WNK4: variants seen among roughly 807,000 people sequenced by gnomAD.
WNK4 encodes WNK lysine deficient protein kinase 4.
A neutral mutation model predicts 116.2 loss-of-function variants in WNK4; 94 were observed. The ratio of observed to expected loss-of-function variants is 0.81; its 90% CI spans 0.68 to 0.96. The LOEUF (loss-of-function observed/expected upper bound fraction) is 0.96, where lower values mean the gene tolerates loss of function less well. WNK4 is among the 40% of genes least tolerant of loss of function. The pLI, the probability that WNK4 is intolerant of heterozygous loss-of-function variation, is 0.00. For synonymous variants in WNK4, 655 were observed against 672.7 expected (o/e 0.97, Z 0.41); for missense variants, 1,542 against 1,650.6 (o/e 0.93, Z 1.14).
chr17:42,781,870 C>T (rs927598190), intron 1 of WNK4, among the ~76,000 whole-genome samples: 4 of 152,178 alleles, frequency 2.6e-5, no homozygotes, highest in African/African-American at 7.2e-5. Context: ...TGGACTTCTC[C>T]ACAGCTGCGA....
chr17:42,784,351 G>C lies in WNK4; in HGVS notation c.1013-71G>C. 6.3e-7 allele frequency: 1 copy of C among 1,586,842 alleles called. No individual in the cohort carries two copies. Among genetic ancestry groups the C allele is most frequent in the Non-Finnish European group, 8.6e-7 (1 of 1,166,286 alleles). On this transcript the variant is annotated intron_variant, in intron 3 of 18. Transcript: ENST00000246914. This position sits in a 1 kb window ranked among gnomAD's most constrained non-coding sequence, Gnocchi z 4.4. ...CACTTGCACTCGCAGGGTTGCCTGG[G>C]GCTGCCTAGCCCAGTGGGAAGGACG... is the stretch of plus-strand genomic sequence containing the variant.
Position 42,784,218 on chromosome 17 carries a change from G to T in WNK4, c.1012+61G>T, listed in dbSNP as rs1370139911. On this transcript the variant is annotated intron_variant, in intron 3 of 18. Transcript: ENST00000246914. The surrounding 1 kb of genome is among the most constrained non-coding windows in gnomAD (Gnocchi z 4.4). ...CTCCCCCACCTCAGAAGAGAACCTG[G>T]GGACTCCCTCCCCTCAGCAAGGGCC... 3 of 1,596,114 alleles carry T rather than the reference G, an allele frequency of 1.9e-6. No homozygotes were observed. Among genetic ancestry groups the T allele is most frequent in the Non-Finnish European group, 2.6e-6 (3 of 1,173,320 alleles).
intron 2 of WNK4, 48 bp from the exon 3 acceptor site, chr17:42,783,889 G>A (rs1597895087): frequency 8.3e-6 from 13 of 1,558,278 alleles, no homozygotes; most frequent in South Asian, 2.3e-5. Context: ...GCTCCTTCCC[G>A]GAGGACGTGT....
chr17:42,794,449 C>T (rs2054639520), intron 12 of WNK4, 165 bp from the exon 13 acceptor site: 1 of 724,170 alleles, frequency 1.4e-6, no homozygotes, highest in East Asian at 2.7e-5. Context: ...AGACATCATG[C>T]CCTTTTACCT....
In WNK4 at chr17:42,784,627, C is replaced by G; in HGVS notation, c.1170+48C>G. ...GAAAGGCAATTCCAGGGCCACTTCC[C>G]CTTTTCCTGCGCCGGCCAGCCCGCA... On this transcript the variant is annotated intron_variant, in intron 4 of 18. Coordinates refer to ENST00000246914, the MANE Select transcript of WNK4 (RefSeq NM_032387.5). The surrounding 1 kb of genome is among the most constrained non-coding windows in gnomAD (Gnocchi z 4.4). 6.2e-7 allele frequency: 1 copy of G among 1,610,280 alleles called. No individual in the cohort carries two copies. Among genetic ancestry groups the G allele is most frequent in the Middle Eastern group, 1.8e-4 (1 of 5,460 alleles).
At chr17:42,781,621 G>A (rs1010064889) in intron 1 of WNK4, among the ~76,000 whole-genome samples, 2 of 152,122 alleles carry the variant, frequency 1.3e-5, no homozygotes, top group Non-Finnish European at 2.9e-5. Context: ...GCCAGTTCAG[G>A]TCAGTTTCCT....
Position 42,796,666 on chromosome 17 carries a change from A to G in WNK4, c.3730-20A>G. 8.7e-6 allele frequency: 14 copies of G among 1,614,040 alleles called. No individual in the cohort carries two copies. The highest frequency in any genetic ancestry group is 1.2e-5 in the Non-Finnish European group (14 of 1,179,994). On this transcript the variant is annotated intron_variant, in intron 18 of 18. Coordinates refer to ENST00000246914, the MANE Select transcript of WNK4 (RefSeq NM_032387.5). ...CTCCCACCTTGGAGGTTTCTTCATC[A>G]CTTTTTCTTTTCCCTCCAGTGAATT...
chr17:42,795,489 C>T lies in WNK4; in HGVS notation c.2990C>T (p.Pro997Leu). The T allele has an allele frequency of 6.2e-7, 1 of 1,614,256 alleles. No homozygotes were observed. The highest frequency in any genetic ancestry group is 8.5e-7 in the Non-Finnish European group (1 of 1,180,056). ...EASPPPARPL[P>L]GEARLAPISE... ...TCACCACCTCCTGCTCGGCCCCTCCCAGGGGAAGCCAGGCTGGCGCCCATC... is the reference window on the plus strand; with the variant it reads ...TCACCACCTCCTGCTCGGCCCCTCCTAGGGGAAGCCAGGCTGGCGCCCATC... The change falls in exon 15 of 19, where the codon CCA becomes CTA. Residue 997 changes from proline (P) to leucine (L), a missense_variant. Pro to Leu is a moderately conservative substitution (Grantham distance 98). Around this residue, in one of 7 missense-constraint regions of WNK4, gnomAD observed 292 missense variants for 290.1 expected, o/e 1.01. Transcript: ENST00000246914.
intron 11 of WNK4, among the ~76,000 whole-genome samples, chr17:42,790,285 G>A (rs1597900687): frequency 6.6e-6 from 1 of 152,188 alleles, no homozygotes; most frequent in African/African-American, 2.4e-5. Context: ...AATATTTGCT[G>A]AGTTGATATG....
At chr17:42,787,736 C>G (rs1450761677) in intron 7 of WNK4, 42 bp from the exon 8 acceptor site, 4 of 1,607,436 alleles carry the variant, frequency 2.5e-6, no homozygotes, top group Non-Finnish European at 3.4e-6. Context: ...CCACTATTCC[C>G]TTTTATTTCC....
rs777315882 is a variant in WNK4, at chr17:42,782,788, C to T, written c.649C>T (p.Arg217Cys). The change falls in exon 2 of 19, where the codon CGC (arginine) becomes TGC (cysteine). Residue 217 changes from arginine to cysteine, a missense_variant. Around this residue, in one of 7 missense-constraint regions of WNK4, gnomAD observed 808 missense variants for 873.6 expected, o/e 0.92. Transcript: ENST00000246914. This position sits in a 1 kb window ranked among gnomAD's most constrained non-coding sequence, Gnocchi z 4.2. ...GAAACTGTCTAGAGCTGAGCGGCAG[C>T]GCTTCTCAGAGGAGGTGGAGATGCT... Reference protein sequence around the residue: ...TRKLSRAERQRFSEEVEMLKG... With the variant: ...TRKLSRAERQCFSEEVEMLKG... 9 of 1,614,180 alleles carry T rather than the reference C, an allele frequency of 5.6e-6. No individual in the cohort carries two copies. The highest frequency in any genetic ancestry group is 5.0e-5 in the Admixed American group (3 of 60,020).
At chr17:42,785,731 C>T (rs1028290329) in intron 6 of WNK4, among the ~76,000 whole-genome samples, 2 of 152,204 alleles carry the variant, frequency 1.3e-5, no homozygotes, top group African/African-American at 4.8e-5. Context: ...CTGATCTGTT[C>T]TTCCTGGGAT....
In WNK4 at chr17:42,784,926, T is replaced by TGGGGGGG. The variant is rs35483050; in HGVS notation, c.1171-167_1171-161dup. On this transcript the variant is annotated intron_variant, in intron 4 of 18. Coordinates refer to ENST00000246914, the MANE Select transcript of WNK4 (RefSeq NM_032387.5). This position sits in a 1 kb window ranked among gnomAD's most constrained non-coding sequence, Gnocchi z 4.4. ...TGTTCAAGATCACACTGTAAATACTTGGGGGGGGGGCGGGGATTAGGATTT... is the reference window on the plus strand; with the variant it reads ...TGTTCAAGATCACACTGTAAATACTTGGGGGGGGGGGGGGGGGCGGGGATTAGGATTT... Among the ~76,000 whole-genome samples, 1 of 113,106 alleles carries TGGGGGGG rather than the reference T, an allele frequency of 8.8e-6. No homozygotes were observed. The highest frequency in any genetic ancestry group is 3.9e-5 in the African/African-American group (1 of 25,332). 74.2% of individuals were successfully genotyped at this position (113,106 alleles called of 152,430 possible). A position where few individuals can be genotyped will look rare whatever the true frequency, so the allele number is the denominator to read the frequency against.
Position 42,785,443 on chromosome 17 carries a change from G to C in WNK4, c.1437G>C (p.Gln479His), listed in dbSNP as rs772699552. The change falls in exon 6 of 19, where the codon CAG (glutamine) becomes CAC (histidine). Residue 479 changes from glutamine to histidine, a missense_variant. Coordinates refer to ENST00000246914, the MANE Select transcript of WNK4 (RefSeq NM_032387.5). ...RDNQAIEFLFQLGRDAAEEVA... is the reference protein window; with the variant it reads ...RDNQAIEFLFHLGRDAAEEVA... ...ACCAGGCCATCGAGTTCCTGTTCCA[G>C]CTGGGCCGGGACGCGGCCGAGGAGG... The C allele has an allele frequency of 3.2e-6, 5 of 1,556,784 alleles. No homozygotes were observed. In the South Asian group the frequency reaches 3.5e-5, roughly 11 times the overall value.
chr17:42,795,607 T>C lies in WNK4; in HGVS notation c.3023-18T>C, dbSNP rs760395090. On this transcript the variant is annotated intron_variant, in intron 15 of 18. Transcript: ENST00000246914. The stretch of plus-strand genomic sequence containing the variant: ...ACTGCTCTCCTTTCCTCATGCCTTC[T>C]TCCTCGTCGCCCTACAGAGGGAAAG... The C allele has an allele frequency of 2.7e-5, 43 of 1,614,152 alleles. No homozygotes were observed. The South Asian group carries it at 4.6e-4, about 17-fold the overall frequency.
At chr17:42,791,244 G>A (rs573272542) in intron 11 of WNK4, among the ~76,000 whole-genome samples, 24 of 152,272 alleles carry the variant, frequency 1.6e-4, no homozygotes, top group African/African-American at 5.1e-4. Context: ...ATATTCACCC[G>A]AAATTATTTA....
At chr17:42,783,321 T>C (rs1446267058) in intron 2 of WNK4, among the ~76,000 whole-genome samples, 1 of 152,184 alleles carries the variant, frequency 6.6e-6, no homozygotes, top group Non-Finnish European at 1.5e-5. Context: ...CCTATCTTCC[T>C]GCAGCCTGGA....
intron 2 of WNK4, 184 bp from the exon 3 acceptor site, chr17:42,783,753 T>G (rs1480187344): frequency 3.1e-6 from 2 of 649,616 alleles, no homozygotes; most frequent in Middle Eastern, 3.0e-4. Context: ...GGTAACGTCA[T>G]GTCTATCCAC....
chr17:42,780,880 G>A lies in WNK4; in HGVS notation c.182G>A (p.Arg61His), dbSNP rs375444500. The change falls in exon 1 of 19, where the codon CGC becomes CAC. Residue 61 changes from arginine (R) to histidine (H), a missense_variant. By Grantham distance (29) the Arg-to-His change is conservative. Coordinates refer to ENST00000246914, the MANE Select transcript of WNK4 (RefSeq NM_032387.5). Reference sequence around the variant, plus strand: ...CGGCCGCGCTCTTCTCGTCTCAGCCGCCGTAGCTCAGTCGACTTGGGGCTG... The same window carrying A: ...CGGCCGCGCTCTTCTCGTCTCAGCCACCGTAGCTCAGTCGACTTGGGGCTG... ...EPRPRSSRLS[R>H]RSSVDLGLLS... The A allele has an allele frequency of 6.4e-5, 102 of 1,605,322 alleles. 1 individual carries two copies. The African/African-American group carries it at 1.2e-3, about 19-fold the overall frequency.
Sources: allele counts gnomAD v4.1 joint callset (sites outside exome capture counted in the v4.1 genomes callset), GRCh38; gene constraint gnomAD v4.1.1; regional missense constraint gnomAD v4.1.1; non-coding constraint Gnocchi (gnomAD v3.1); transcripts MANE v1.5; gene names NCBI Gene and HGNC (gene_info 2026-07-23, HGNC 2026-07-21).